HSPG2: variants seen among roughly 807,000 people sequenced by gnomAD.
HSPG2 encodes basement membrane-specific heparan sulfate proteoglycan core protein.
In HSPG2, 278 loss-of-function variants were observed where a neutral mutation model predicts 526.6. The observed-to-expected ratio is 0.53, with a 90% confidence interval of 0.48 to 0.58. The LOEUF is 0.58. Ranked by LOEUF, HSPG2 falls within the 20% of genes least tolerant of loss-of-function variation. The probability of loss-of-function intolerance (pLI) is 0.00; values close to 1 mark genes in which losing one functional copy is unlikely to be tolerated. For missense variants in HSPG2, 5,354 were observed against 6,099.5 expected, an observed-to-expected ratio of 0.88 and a Z score of 4.07; for synonymous variants, 2,465 against 2,555.4, an observed-to-expected ratio of 0.96 and a Z score of 1.07.
At position 21,865,111 on chromosome 1, in the gene HSPG2, C is replaced by T; in HGVS notation, c.4396-38G>A. 1.3e-6 allele frequency: 2 copies of T among 1,544,786 alleles called. No homozygotes were observed. The highest frequency in any genetic ancestry group is 3.7e-5 in the Admixed American group (2 of 53,616). ...TGGCAACGTGGGCGGGGGCAGTGGG[C>T]TTTGTGGGCTGCTCCTACAGTTACC... On this transcript the variant is annotated intron_variant, in intron 35 of 96. Coordinates refer to ENST00000374695, the MANE Select transcript of HSPG2 (RefSeq NM_005529.7). This position sits in a 1 kb window ranked among gnomAD's most constrained non-coding sequence, Gnocchi z 5.4.
chr1:21,880,721 G>A lies in HSPG2; in HGVS notation c.1933C>T (p.Leu645Phe), dbSNP rs1300619061. Residue 645 changes from leucine to phenylalanine, a missense_variant, in exon 15 of 97, where the codon CTC (leucine) becomes TTC (phenylalanine). Physicochemically the swap from Leu to Phe is conservative, Grantham distance 22. Transcript: ENST00000374695. Reference sequence around the variant, plus strand: ...TGGGTGGGTGTGTGGCCTCGGGAGAGGAGGCGGTACCCGGCACCCATGAGG... The same window carrying A: ...TGGGTGGGTGTGTGGCCTCGGGAGAAGAGGCGGTACCCGGCACCCATGAGG... ...VVLMGAGYRL[L>F]SRGHTPTQPG... The A allele has an allele frequency of 3.7e-6, 6 of 1,601,262 alleles. No homozygotes were observed. The highest frequency in any genetic ancestry group is 5.1e-6 in the Non-Finnish European group (6 of 1,174,526).
At chr1:21,894,938 T>C (rs897474) in intron 3 of HSPG2, among the ~76,000 whole-genome samples, 81,460 of 152,120 alleles carry the variant, frequency 0.54, 23,893 homozygotes, top group Middle Eastern at 0.72. Flanking sequence ...GTCCAGGCTC[T>C]GGGAGGTCAC....
In HSPG2 at chr1:21,904,033, C is replaced by T. The variant is rs1043798948; in HGVS notation, c.64-7723G>A. Among the ~76,000 whole-genome samples the T allele has an allele frequency of 1.3e-5, 2 of 152,216 alleles. No homozygotes were observed. Among genetic ancestry groups the T allele is most frequent in the Admixed American group, 6.5e-5 (1 of 15,286 alleles). On this transcript the variant is annotated intron_variant, in intron 1 of 96. Coordinates refer to ENST00000374695, the MANE Select transcript of HSPG2 (RefSeq NM_005529.7). This position sits in a 1 kb window ranked among gnomAD's most constrained non-coding sequence, Gnocchi z 4.4. Reference sequence around the variant, plus strand: ...GGTTCAATTCAAGTCACTTCAACCTCGACTTACGGGGTACCTACTATGTGC... The same window carrying T: ...GGTTCAATTCAAGTCACTTCAACCTTGACTTACGGGGTACCTACTATGTGC...
rs570531508 is a variant in HSPG2, at chr1:21,848,980, C to T, written c.7498G>A (p.Glu2500Lys). The T allele has an allele frequency of 1.2e-5, 20 of 1,614,066 alleles. No homozygotes were observed. In the Admixed American group the frequency reaches 2.7e-4, roughly 22 times the overall value. The change falls in exon 58 of 97, where the codon GAG (glutamate) becomes AAG (lysine). Residue 2500 changes from glutamate (E) to lysine (K), a missense_variant. Coordinates refer to ENST00000374695, the MANE Select transcript of HSPG2 (RefSeq NM_005529.7). The surrounding 1 kb of genome is among the most constrained non-coding windows in gnomAD (Gnocchi z 4.9). ...LLQVTPADSG[E>K]YVCRVVGSSG... is the part of the protein sequence containing the mutation. Reference sequence around the variant, plus strand: ...CTGCCGACCACACGGCACACGTACTCCCCTGAATCAGCTGGGGTCACCTGG... The same window carrying T: ...CTGCCGACCACACGGCACACGTACTTCCCTGAATCAGCTGGGGTCACCTGG...
chr1:21,874,900 CG>C lies in HSPG2; in HGVS notation c.3404del (p.Pro1135ArgfsTer139), dbSNP rs1557762145. 1 of 1,611,618 alleles carries C rather than the reference CG, an allele frequency of 6.2e-7. No individual in the cohort carries two copies. The highest frequency in any genetic ancestry group is 8.5e-7 in the Non-Finnish European group (1 of 1,178,984). ...GGGGCCCAGGACTCACCTGGCAGGACGGCCCACGGTACCCGGGTGGGCAGGA... is the reference window on the plus strand; with the variant it reads ...GGGGCCCAGGACTCACCTGGCAGGACGCCCACGGTACCCGGGTGGGCAGGA... ...QCSCPPGYRG[P>X]SCQDCDTGYT... On this transcript the variant is annotated frameshift_variant, in exon 26 of 97. Coordinates refer to ENST00000374695, the MANE Select transcript of HSPG2 (RefSeq NM_005529.7). LOFTEE classifies it high-confidence loss of function.
At chr1:21,912,506 C>T (rs1390259860) in intron 1 of HSPG2, among the ~76,000 whole-genome samples, 1 of 152,166 alleles carries the variant, frequency 6.6e-6, no homozygotes, top group Non-Finnish European at 1.5e-5. Flanking sequence ...ATCACCTAGC[C>T]AACACCCTCA....
chr1:21,873,977 G>A lies in HSPG2; in HGVS notation c.3691C>T (p.His1231Tyr). 2 of 1,606,788 alleles carry A rather than the reference G, an allele frequency of 1.2e-6. No homozygotes were observed. Among genetic ancestry groups the A allele is most frequent in the Non-Finnish European group, 8.5e-7 (1 of 1,176,512 alleles). The change falls in exon 29 of 97, where the codon CAC becomes TAC. Residue 1231 changes from histidine (H) to tyrosine (Y), a missense_variant. His to Tyr is a moderately conservative substitution (Grantham distance 83, BLOSUM62 2). Coordinates refer to ENST00000374695, the MANE Select transcript of HSPG2 (RefSeq NM_005529.7). Reference sequence around the variant, plus strand: ...GGGGAGCACGCATCACAGGTGGGGTGGCCGTCTGTGTCCAGAAAACAAGTG... The same window carrying A: ...GGGGAGCACGCATCACAGGTGGGGTAGCCGTCTGTGTCCAGAAAACAAGTG... ...AHTCFLDTDGHPTCDACSPGH... is the reference protein window; with the variant it reads ...AHTCFLDTDGYPTCDACSPGH...
chr1:21,843,979 G>A (rs1638221679), intron 65 of HSPG2, among the ~76,000 whole-genome samples, 169 bp downstream of exon 65: 1 of 152,226 alleles, frequency 6.6e-6, no homozygotes, highest in South Asian at 2.1e-4. Context: ...TGTGGGGCTG[G>A]TGGTGGCCCT....
chr1:21,890,690 A>G lies in HSPG2; in HGVS notation c.249T>C (p.Tyr83=), dbSNP rs776408810. The change falls in exon 4 of 97, where the codon TAT becomes TAC. Residue 83 remains tyrosine (Y), a synonymous_variant. Coordinates refer to ENST00000374695, the MANE Select transcript of HSPG2 (RefSeq NM_005529.7). This position sits in a 1 kb window ranked among gnomAD's most constrained non-coding sequence, Gnocchi z 4.1. ...DLGSGDFQMV[Y]FRALVNFTRS... is the part of the protein sequence containing the mutation. Reference sequence around the variant, plus strand: ...GAGTGAAATTCACCAGGGCTCGGAAATAAACTGGAAAATCGAAGGAGGATC... The same window carrying G: ...GAGTGAAATTCACCAGGGCTCGGAAGTAAACTGGAAAATCGAAGGAGGATC... 3.7e-6 allele frequency: 6 copies of G among 1,611,880 alleles called. No individual in the cohort carries two copies. Among genetic ancestry groups the G allele is most frequent in the Non-Finnish European group, 5.1e-6 (6 of 1,178,146 alleles).
At position 21,884,542 on chromosome 1, in the gene HSPG2, G is replaced by A. The variant is rs1223409917; in HGVS notation, c.1640C>T (p.Pro547Leu). 2 of 1,611,230 alleles carry A rather than the reference G, an allele frequency of 1.2e-6. No homozygotes were observed. Among genetic ancestry groups the A allele is most frequent in the Non-Finnish European group, 1.7e-6 (2 of 1,179,908 alleles). Reference sequence around the variant, plus strand: ...CGCCAACGCACCCTTGAAGTCATCGGGTTGGTCAAAGCGCAGCCTGATCTG... The same window carrying A: ...CGCCAACGCACCCTTGAAGTCATCGAGTTGGTCAAAGCGCAGCCTGATCTG... ...RDQIRLRFDQ[P>L]DDFKGVNVTM... Residue 547 changes from proline to leucine, a missense_variant, in exon 13 of 97, where the codon CCC becomes CTC. By Grantham distance (98) the Pro-to-Leu change is moderately conservative. Coordinates refer to ENST00000374695, the MANE Select transcript of HSPG2 (RefSeq NM_005529.7).
Position 21,887,110 on chromosome 1 carries a change from G to T in HSPG2, c.1078+105C>A. 3 of 1,029,754 alleles carry T rather than the reference G, an allele frequency of 2.9e-6. No homozygotes were observed. The highest frequency in any genetic ancestry group is 1.3e-6 in the Non-Finnish European group (1 of 753,076). 63.8% of individuals were successfully genotyped at this position (1,029,754 alleles called of 1,614,324 possible). A position where few individuals can be genotyped will look rare whatever the true frequency, so the allele number is the denominator to read the frequency against. On this transcript the variant is annotated intron_variant, in intron 9 of 96. Coordinates refer to ENST00000374695, the MANE Select transcript of HSPG2 (RefSeq NM_005529.7). This position sits in a 1 kb window ranked among gnomAD's most constrained non-coding sequence, Gnocchi z 5.0. Reference sequence around the variant, plus strand: ...CAGGCTTGGGGGACTGGGGAGGGGGGAAAGCGGAGGGGCAGGGTAGGGGCG... The same window carrying T: ...CAGGCTTGGGGGACTGGGGAGGGGGTAAAGCGGAGGGGCAGGGTAGGGGCG...
intron 3 of HSPG2, among the ~76,000 whole-genome samples, chr1:21,894,391 C>T (rs1258538753): frequency 6.6e-6 from 1 of 152,004 alleles, no homozygotes; most frequent in African/African-American, 2.4e-5. Flanking sequence ...CACCCTGGGA[C>T]CCCAGGATCA....
At chr1:21,875,306 G>A (rs1640965115) in intron 25 of HSPG2, 2 of 594,690 alleles carry the variant, frequency 3.4e-6, no homozygotes, top group South Asian at 4.0e-5. Context: ...ACTCTCCGGC[G>A]AATGACTCTC....
rs758331060 is a variant in HSPG2 at position 21,831,671 on chromosome 1, G to C, written c.11333C>G (p.Pro3778Arg). ...QGSLIVGDLA[P>R]VNGTSQGKFQ... ...TCTCACCTGGGAGGTCCCATTGACC[G>C]GGGCCAGGTCACCCACAATCAGGGA... The change falls in exon 82 of 97, where the codon CCG becomes CGG. Residue 3778 changes from proline (P) to arginine (R), a missense_variant. Pro to Arg is a moderately radical substitution (Grantham distance 103). Coordinates refer to ENST00000374695, the MANE Select transcript of HSPG2 (RefSeq NM_005529.7). 2.2e-5 allele frequency: 36 copies of C among 1,605,910 alleles called. 1 individual carries two copies. The highest frequency in any genetic ancestry group is 6.0e-6 in the Non-Finnish European group (7 of 1,175,958).
At chr1:21,833,980 C>T in intron 77 of HSPG2, 55 bp from the exon 78 acceptor site, 2 of 1,141,388 alleles carry the variant, frequency 1.8e-6, no homozygotes, top group East Asian at 5.1e-5. Flanking sequence ...AGATATGTGC[C>T]CAGCCTGCAC....
Position 21,914,797 on chromosome 1 carries a change from T to A in HSPG2, c.64-18487A>T, listed in dbSNP as rs555854620. On this transcript the variant is annotated intron_variant, in intron 1 of 96. Transcript: ENST00000374695. ...GAGGTGACCTTGAGCTTCTCTGGCATCTCAGGCCAAAGCTCCTCCCCGGGC... is the reference window on the plus strand; with the variant it reads ...GAGGTGACCTTGAGCTTCTCTGGCAACTCAGGCCAAAGCTCCTCCCCGGGC... Among the ~76,000 whole-genome samples the A allele has an allele frequency of 3.9e-5, 6 of 152,290 alleles. No homozygotes were observed. In the East Asian group the frequency reaches 1.2e-3, roughly 29 times the overall value.
intron 1 of HSPG2, among the ~76,000 whole-genome samples, chr1:21,917,078 C>G (rs909112213): frequency 3.3e-5 from 5 of 152,218 alleles, no homozygotes; most frequent in African/African-American, 1.2e-4. Flanking sequence ...CCAGTTATCA[C>G]ACGCTGACCA....
rs768395176 is a variant in HSPG2, at chr1:21,824,376, C to T, written c.12745G>A (p.Glu4249Lys). The change falls in exon 94 of 97, where the codon GAG (glutamate) becomes AAG (lysine). Residue 4249 changes from glutamate (E) to lysine (K), a missense_variant and splice_region_variant. By Grantham distance (56) the Glu-to-Lys change is moderately conservative. Transcript: ENST00000374695. This position sits in a 1 kb window ranked among gnomAD's most constrained non-coding sequence, Gnocchi z 5.9. ...TTGCCTTGGCCGGCCTCTCCCACCTCCTGCCAGGGAAGCACAGGGTCTCTG... is the reference window on the plus strand; with the variant it reads ...TTGCCTTGGCCGGCCTCTCCCACCTTCTGCCAGGGAAGCACAGGGTCTCTG... The part of the protein sequence containing the change: ...ASGLLLWQGV[E>K]VGEAGQGKDF... 1 of 1,613,794 alleles carries T rather than the reference C, an allele frequency of 6.2e-7. No individual in the cohort carries two copies. Among genetic ancestry groups the T allele is most frequent in the African/African-American group, 1.3e-5 (1 of 74,938 alleles).
At chr1:21,927,277 A>G (rs1032661304) in intron 1 of HSPG2, among the ~76,000 whole-genome samples, 33 of 152,080 alleles carry the variant, frequency 2.2e-4, no homozygotes, top group African/African-American at 7.5e-4. Context: ...GGGAGGGGGG[A>G]CACATCTCTA....
Sources: gnomAD v4.1 joint callset for allele counts (sites outside exome capture counted in the v4.1 genomes callset) on GRCh38, gnomAD v4.1.1 for gene constraint, Gnocchi (gnomAD v3.1) non-coding constraint, MANE v1.5 for transcripts, NCBI Gene and HGNC (gene_info 2026-07-23, HGNC 2026-07-21) for gene names.